The following ERBIN variants were observed in gnomAD, a reference collection of about 807,000 sequenced individuals.
The protein encoded by ERBIN is erbb2 interacting protein, also known as densin-180-like protein.
In ERBIN, 60 loss-of-function variants were observed where a neutral mutation model predicts 158.4. The ratio of observed to expected loss-of-function variants is 0.38; its 90% CI spans 0.31 to 0.47. The LOEUF (loss-of-function observed/expected upper bound fraction) is 0.47. Among genes scored for constraint, ERBIN ranks in the 20% least tolerant of loss-of-function variants. ERBIN has a pLI of 0.99. For missense variants in ERBIN, 1,610 were observed against 1,648.0 expected, an observed-to-expected ratio of 0.98 and a Z score of 0.40; for synonymous variants, 594 against 557.2, an observed-to-expected ratio of 1.07 and a Z score of -0.93.
At chr5:66,065,107 A>G (rs1243811919) in intron 21 of ERBIN, among the ~76,000 whole-genome samples, 1 of 152,188 alleles carries the variant, frequency 6.6e-6, no homozygotes, top group African/African-American at 2.4e-5. Flanking sequence ...TTTTGAATAT[A>G]TTGAATTTGA....
intron 1 of ERBIN, among the ~76,000 whole-genome samples, chr5:65,929,870 C>A (rs1375786482): frequency 6.6e-6 from 1 of 152,152 alleles, no homozygotes; most frequent in Non-Finnish European, 1.5e-5. Context: ...GAACTCCCGA[C>A]CTCAGGTGAT....
chr5:65,941,204 A>G (rs1395598856), intron 1 of ERBIN, among the ~76,000 whole-genome samples: 3 of 151,926 alleles, frequency 2.0e-5, no homozygotes, highest in Non-Finnish European at 4.4e-5. Flanking sequence ...TCCTCTGCAT[A>G]TGAAAACCAG....
At chr5:65,975,223 G>A (rs1191472532) in intron 1 of ERBIN, among the ~76,000 whole-genome samples, 1 of 152,100 alleles carries the variant, frequency 6.6e-6, no homozygotes, top group Non-Finnish European at 1.5e-5. Flanking sequence ...GGCCAGGCTG[G>A]TCTCAAATTC....
At chr5:66,013,522 T>G (rs752719585) in intron 5 of ERBIN, 27 bp from the exon 6 acceptor site, 1 of 1,420,630 alleles carries the variant, frequency 7.0e-7, no homozygotes, top group Non-Finnish European at 9.9e-7. Context: ...TACATGAACT[T>G]AACTTAAATT....
At chr5:66,011,089 C>T (rs1561369630) in intron 4 of ERBIN, among the ~76,000 whole-genome samples, 2 of 152,146 alleles carry the variant, frequency 1.3e-5, no homozygotes. Flanking sequence ...TAATAGATCT[C>T]TTGAATATAT....
chr5:66,002,357 TAG>T (rs1414417283), intron 4 of ERBIN, among the ~76,000 whole-genome samples: 2 of 152,164 alleles, frequency 1.3e-5, no homozygotes, highest in African/African-American at 4.8e-5. Flanking sequence ...CAACCAGTAT[TAG>T]AGAAATGATC....
intron 1 of ERBIN, among the ~76,000 whole-genome samples, chr5:65,975,937 A>G (rs1276569988): frequency 1.3e-5 from 2 of 152,240 alleles, no homozygotes; most frequent in Non-Finnish European, 2.9e-5. Context: ...CCCCATCATA[A>G]TTAGGGTTCT....
intron 3 of ERBIN, among the ~76,000 whole-genome samples, chr5:65,994,238 A>G (rs554017957): frequency 2.0e-5 from 3 of 152,330 alleles, no homozygotes; most frequent in African/African-American, 7.2e-5. Flanking sequence ...TCTAGAGAAT[A>G]TAGAGGACCA....
At chr5:66,047,763 G>A (rs1390828064) in intron 18 of ERBIN, among the ~76,000 whole-genome samples, 1 of 151,926 alleles carries the variant, frequency 6.6e-6, no homozygotes, top group Admixed American at 6.6e-5. Flanking sequence ...CACTCAATAC[G>A]CTATGGTATG....
At chr5:65,970,377 T>A (rs1428131792) in intron 1 of ERBIN, among the ~76,000 whole-genome samples, 2 of 152,202 alleles carry the variant, frequency 1.3e-5, no homozygotes, top group African/African-American at 2.4e-5. Context: ...TATTTAAAGC[T>A]TTTAAGTTCT....
chr5:66,077,604 A>T (rs57568098), intron 25 of ERBIN, among the ~76,000 whole-genome samples: 4,540 of 152,078 alleles, frequency 0.03, 124 homozygotes, highest in African/African-American at 0.072. Context: ...ATTAAAAAAA[A>T]TTTTTTTTGA....
At position 66,053,607 on chromosome 5, in the gene ERBIN, C is replaced by G; in HGVS notation, c.2289C>G (p.Ile763Met). Residue 763 changes from isoleucine to methionine, a missense_variant, in exon 21 of 26, where the codon ATC (isoleucine) becomes ATG (methionine). Ile to Met is a conservative substitution (Grantham distance 10). Transcript: ENST00000284037. ...ATGACACTCACAAATTAGATCATAT[C>G]AATATGAATCTTAATAAACTTATAA... ...TADDTHKLDH[I>M]NMNLNKLITN... 6.2e-7 allele frequency: 1 copy of G among 1,610,010 alleles called. No homozygotes were observed.
chr5:66,070,084 G>A (rs37019), intron 21 of ERBIN, among the ~76,000 whole-genome samples: 23,674 of 151,370 alleles, frequency 0.16, 2,453 homozygotes, highest in East Asian at 0.46. Flanking sequence ...TGTTCTTGTT[G>A]CCCAGGCTGG....
At chr5:66,075,264 C>A in intron 23 of ERBIN, 34 bp downstream of exon 23, 1 of 1,532,504 alleles carries the variant, frequency 6.5e-7, no homozygotes, top group Non-Finnish European at 9.0e-7. Flanking sequence ...AAATATGGGA[C>A]TAAGCTTTTT....
chr5:66,031,521 G>A (rs1379069322), intron 14 of ERBIN, among the ~76,000 whole-genome samples: 1 of 152,212 alleles, frequency 6.6e-6, no homozygotes, highest in Non-Finnish European at 1.5e-5. Context: ...TGCCTGCAGT[G>A]CCTGAATTAT....
chr5:66,050,944 A>G lies in ERBIN; in HGVS notation c.2065A>G (p.Ile689Val), dbSNP rs769452422. The stretch of plus-strand genomic sequence containing the variant: ...CTGCTCTCCAGTGAAACAAACTCAT[A>G]TTGATATTAATTCCAAAATCAGGTG... The part of the protein sequence containing the change: ...SLCSPVKQTH[I>V]DINSKIRQED... The change falls in exon 20 of 26, where the codon ATT becomes GTT. Residue 689 changes from isoleucine to valine, a missense_variant. Transcript: ENST00000284037. 3 of 1,603,064 alleles carry G rather than the reference A, an allele frequency of 1.9e-6. No individual in the cohort carries two copies. The highest frequency in any genetic ancestry group is 1.7e-6 in the Non-Finnish European group (2 of 1,176,926).
At chr5:66,045,785 C>T (rs1206786543) in intron 17 of ERBIN, among the ~76,000 whole-genome samples, 1 of 152,102 alleles carries the variant, frequency 6.6e-6, no homozygotes, top group East Asian at 1.9e-4. Context: ...ATAATGAATG[C>T]CAGAAAAATT....
chr5:66,038,864 G>T (rs1351740900), intron 15 of ERBIN, among the ~76,000 whole-genome samples: 7 of 152,000 alleles, frequency 4.6e-5, no homozygotes, highest in Admixed American at 3.3e-4. Flanking sequence ...ATAATCTGTT[G>T]AACTCTGACT....
chr5:65,965,490 C>T (rs1022815674), intron 1 of ERBIN, among the ~76,000 whole-genome samples: 54 of 148,540 alleles, frequency 3.6e-4, no homozygotes, highest in African/African-American at 1.2e-3. Context: ...CTGCACCCTT[C>T]GCCTCCTGGG....
Sources: gnomAD v4.1 joint callset for allele counts (sites outside exome capture counted in the v4.1 genomes callset) on GRCh38, gnomAD v4.1.1 for gene constraint, MANE v1.5 for transcripts, NCBI Gene and HGNC (gene_info 2026-07-23, HGNC 2026-07-21) for gene names.